The following CLGN variants were observed in gnomAD, a reference collection of about 807,000 sequenced individuals.
The protein encoded by CLGN is testis tissue sperm-binding protein Li 79P.
In CLGN, 62 loss-of-function variants were observed where a neutral mutation model predicts 79.1. That is an observed-to-expected ratio of 0.78 (90% CI 0.64 to 0.97). The LOEUF (loss-of-function observed/expected upper bound fraction) is 0.97. Ranked by LOEUF, CLGN falls within the 50% of genes least tolerant of loss-of-function variation. The pLI is 0.00. For synonymous variants in CLGN, 225 were observed against 224.7 expected (o/e 1.00, Z -0.01); for missense variants, 647 against 715.5 (o/e 0.90, Z 1.09).
intron 13 of CLGN, among the ~76,000 whole-genome samples, chr4:140,391,269 ACTT>A (rs1302532474): frequency 1.9e-4 from 29 of 151,906 alleles, no homozygotes; most frequent in East Asian, 1.7e-3. Flanking sequence ...AATCAACTCT[ACTT>A]CTTCTACGTA....
rs775372946 is a variant in CLGN at position 140,413,040 on chromosome 4, C to T, written c.39G>A (p.Leu13=). Residue 13 remains leucine (L), a synonymous_variant, in exon 2 of 15, where the codon CTG becomes CTA. Coordinates refer to ENST00000325617, the MANE Select transcript of CLGN (RefSeq NM_004362.3). The stretch of plus-strand genomic sequence containing the variant: ...TAAATTCTGCATTAATTGAGATGAA[C>T]AGAAGACCCAAACATAGCCAAAAGG... ...FQAFWLCLGL[L]FISINAEFMD... 1 of 1,613,198 alleles carries T rather than the reference C, an allele frequency of 6.2e-7. No homozygotes were observed. Among genetic ancestry groups the T allele is most frequent in the Admixed American group, 1.7e-5 (1 of 59,932 alleles).
intron 1 of CLGN, among the ~76,000 whole-genome samples, chr4:140,426,946 C>T (rs1729579906): frequency 6.6e-6 from 1 of 152,238 alleles, no homozygotes; most frequent in Admixed American, 6.5e-5. Flanking sequence ...GAGCGGCCAA[C>T]AGTCCCTGGC....
intron 5 of CLGN, among the ~76,000 whole-genome samples, chr4:140,404,122 G>C: frequency 6.6e-6 from 1 of 150,806 alleles, no homozygotes; most frequent in Non-Finnish European, 1.5e-5. Context: ...GTCTCACTCT[G>C]TTGCCCAGTT....
intron 8 of CLGN, 103 bp from the exon 9 acceptor site, chr4:140,396,308 G>T: frequency 9.8e-7 from 1 of 1,024,234 alleles, no homozygotes; most frequent in Non-Finnish European, 1.5e-6. Context: ...CCTTTTGTTT[G>T]TGCCTGTTAT....
intron 1 of CLGN, among the ~76,000 whole-genome samples, chr4:140,419,304 G>A (rs987215579): frequency 1.3e-5 from 2 of 151,974 alleles, no homozygotes; most frequent in African/African-American, 4.8e-5. Context: ...GTATACATAT[G>A]TAACTAACCT....
At chr4:140,395,199 T>G (rs1241188162) in intron 10 of CLGN, among the ~76,000 whole-genome samples, 3 of 149,860 alleles carry the variant, frequency 2.0e-5, no homozygotes, top group Non-Finnish European at 4.4e-5. Context: ...CAGGCGGGAG[T>G]GCAGTGGCAC....
chr4:140,396,893 ATATATATATATATG>A lies in CLGN; in HGVS notation c.885-702_885-689del, dbSNP rs1208110448. ...TATATACATATATATATATATATGT[ATATATATATATATG>A]TATATATATATATATACACATATAT... On this transcript the variant is annotated intron_variant, in intron 8 of 14. Transcript: ENST00000325617. Among the ~76,000 whole-genome samples, 31 of 55,450 alleles carry A rather than the reference ATATATATATATATG, an allele frequency of 5.6e-4. 1 individual carries two copies. Among genetic ancestry groups the A allele is most frequent in the East Asian group, 2.7e-3 (5 of 1,858 alleles). The allele number at this position is 55,450 out of a possible 152,430, so 36.4% of individuals were successfully genotyped here. A position where few individuals can be genotyped will look rare whatever the true frequency, so the allele number is the denominator to read the frequency against.
At chr4:140,397,676 C>T (rs958972707) in intron 8 of CLGN, among the ~76,000 whole-genome samples, 3 of 151,958 alleles carry the variant, frequency 2.0e-5, no homozygotes, top group South Asian at 2.1e-4. Context: ...GAGGCTGAGG[C>T]GGGAGGATCA....
At chr4:140,405,196 T>TA (rs1227123612) in intron 5 of CLGN, among the ~76,000 whole-genome samples, 102 of 147,956 alleles carry the variant, frequency 6.9e-4, no homozygotes, top group South Asian at 2.1e-3. Flanking sequence ...TTTTTATTTT[T>TA]TTTTTTGAGA....
At chr4:140,391,891 C>CCCTCTATCA (rs1728779480) in intron 13 of CLGN, among the ~76,000 whole-genome samples, 2 of 151,766 alleles carry the variant, frequency 1.3e-5, no homozygotes, top group South Asian at 4.1e-4. Context: ...ATGATATACA[C>CCCTCTATCA]CCTCTATCAC....
chr4:140,422,815 C>T (rs1729496055), intron 1 of CLGN, among the ~76,000 whole-genome samples: 1 of 152,012 alleles, frequency 6.6e-6, no homozygotes, highest in Admixed American at 6.6e-5. Flanking sequence ...ATGGTTTTTG[C>T]CATGTTGCGC....
chr4:140,421,076 T>C (rs2126634782), intron 1 of CLGN, among the ~76,000 whole-genome samples: 1 of 152,290 alleles, frequency 6.6e-6, no homozygotes, highest in African/African-American at 2.4e-5. Context: ...GTAACTGGCT[T>C]ATTTTACTTA....
In CLGN at chr4:140,395,932, T is replaced by C. The variant is rs564047375; in HGVS notation, c.1036A>G (p.Ile346Val). 2.5e-6 allele frequency: 4 copies of C among 1,602,236 alleles called. No individual in the cohort carries two copies. In the South Asian group the frequency reaches 3.4e-5, roughly 14 times the overall value. ...DTDGEWEAPQ[I>V]LNPACRIGCG... ...CCAATCCGACATGCTGGATTAAGAA[T>C]CTGAGGTGCCTCCCATTCTCCATCC... is the stretch of plus-strand genomic sequence containing the variant. Residue 346 changes from isoleucine (I) to valine (V), a missense_variant, in exon 10 of 15, where the codon ATT (isoleucine) becomes GTT (valine). Physicochemically the swap from Ile to Val is conservative, Grantham distance 29. Transcript: ENST00000325617.
At chr4:140,408,585 C>T (rs551890044) in intron 4 of CLGN, among the ~76,000 whole-genome samples, 2 of 152,080 alleles carry the variant, frequency 1.3e-5, no homozygotes, top group African/African-American at 4.8e-5. Flanking sequence ...TGCTCAACAT[C>T]ACTAATCATC....
intron 11 of CLGN, among the ~76,000 whole-genome samples, chr4:140,393,416 G>T (rs1011984296): frequency 1.3e-4 from 20 of 152,144 alleles, no homozygotes; most frequent in Non-Finnish European, 2.5e-4. Flanking sequence ...AACTGGAACA[G>T]AATTTAATAA....
rs191964835 is a variant in CLGN at position 140,410,791 on chromosome 4, G to A, written c.145-165C>T. Among the ~76,000 whole-genome samples the A allele has an allele frequency of 2.2e-4, 33 of 151,874 alleles. 1 individual carries two copies. The East Asian group carries it at 5.0e-3, about 23-fold the overall frequency. ...AAACTTTGTACCTAGTAATGATAAG[G>A]TACAAGAAAATATAACAAATACCAT... is the stretch of plus-strand genomic sequence containing the variant. On this transcript the variant is annotated intron_variant, in intron 2 of 14. Coordinates refer to ENST00000325617, the MANE Select transcript of CLGN (RefSeq NM_004362.3).
At chr4:140,392,120 T>A in intron 13 of CLGN, 99 bp downstream of exon 13, 1 of 1,352,914 alleles carries the variant, frequency 7.4e-7, no homozygotes, top group South Asian at 1.4e-5. Context: ...TGTATAAACT[T>A]GATAATAAAC....
At chr4:140,399,425 TTATTC>T (rs1728955389) in intron 7 of CLGN, among the ~76,000 whole-genome samples, 1 of 152,234 alleles carries the variant, frequency 6.6e-6, no homozygotes, top group Non-Finnish European at 1.5e-5. Context: ...AAAAATTAAT[TTATTC>T]TGTTCTAGTA....
intron 6 of CLGN, among the ~76,000 whole-genome samples, chr4:140,400,760 A>G (rs1211074426): frequency 1.3e-5 from 2 of 152,168 alleles, no homozygotes; most frequent in African/African-American, 2.4e-5. Flanking sequence ...CTACTTCCTG[A>G]CGATGTGGGA....
Sources: gnomAD v4.1 joint callset for allele counts (sites outside exome capture counted in the v4.1 genomes callset) on GRCh38, gnomAD v4.1.1 for gene constraint, MANE v1.5 for transcripts, NCBI Gene and HGNC (gene_info 2026-07-23, HGNC 2026-07-21) for gene names.